The following ARMC10 variants were observed in gnomAD, a reference collection of about 807,000 sequenced individuals.
The protein encoded by ARMC10 is armadillo repeat containing 10, also known as armadillo repeat-containing protein 10.
In ARMC10, 23 loss-of-function variants were observed where a neutral mutation model predicts 30.2. The ratio of observed to expected loss-of-function variants is 0.76; its 90% CI spans 0.55 to 1.08. The LOEUF (loss-of-function observed/expected upper bound fraction) is 1.08. Among genes scored for constraint, ARMC10 ranks in the 50% least tolerant of loss-of-function variants. The probability of loss-of-function intolerance (pLI) is 0.00; values close to 1 mark genes in which losing one functional copy is unlikely to be tolerated. For missense variants in ARMC10, 303 were observed against 413.7 expected, an observed-to-expected ratio of 0.73 and a Z score of 2.32; for synonymous variants, 111 against 164.4, an observed-to-expected ratio of 0.68 and a Z score of 2.48.
rs958941204 is a variant in ARMC10, at chr7:103,075,155, A to G, written c.-118A>G. 4 of 700,176 alleles carry G rather than the reference A, an allele frequency of 5.7e-6. No individual in the cohort carries two copies. The highest frequency in any genetic ancestry group is 7.4e-6 in the Non-Finnish European group (4 of 543,518). The allele number at this position is 700,176 out of a possible 1,614,324, so 43.4% of individuals were successfully genotyped here. A position where few individuals can be genotyped will look rare whatever the true frequency, so the allele number is the denominator to read the frequency against. ...CTCAGACCCCATTTCCTTTCTCCAC[A>G]TCCAGGTCAGGTGGCGTTTGCTGTG... On this transcript the variant is annotated 5_prime_UTR_variant, in exon 1 of 7. Coordinates refer to ENST00000323716, the MANE Select transcript of ARMC10 (RefSeq NM_031905.5).
intron 2 of ARMC10, among the ~76,000 whole-genome samples, chr7:103,076,139 C>T (rs201032185): frequency 6.6e-6 from 1 of 152,174 alleles, no homozygotes; most frequent in East Asian, 1.9e-4. Context: ...TCACACATCA[C>T]GGGCAATTTG....
chr7:103,087,266 C>T (rs1800942693), intron 4 of ARMC10, among the ~76,000 whole-genome samples: 1 of 152,166 alleles, frequency 6.6e-6, no homozygotes, highest in East Asian at 1.9e-4. Context: ...TTAGCTCTTT[C>T]AATGGATGAG....
chr7:103,096,249 T>C (rs1250510623), intron 5 of ARMC10: 1 of 152,156 alleles, frequency 6.6e-6, no homozygotes, highest in African/African-American at 2.4e-5. Flanking sequence ...CCTGTAATCC[T>C]AGTTACTTTG....
intron 2 of ARMC10, chr7:103,081,985 A>G (rs1800424117): frequency 4.4e-6 from 2 of 451,724 alleles, no homozygotes; most frequent in Admixed American, 2.4e-5. Context: ...CTTTAGGCAG[A>G]TCCTTGAACA....
chr7:103,086,522 C>A, intron 3 of ARMC10, 108 bp from the exon 4 acceptor site: 1 of 1,244,670 alleles, frequency 8.0e-7, no homozygotes. Context: ...AAAGAGATTT[C>A]CAAAAAGCCG....
intron 2 of ARMC10, among the ~76,000 whole-genome samples, chr7:103,077,635 A>G (rs1800007886): frequency 1.3e-5 from 2 of 152,164 alleles, no homozygotes; most frequent in South Asian, 2.1e-4. Flanking sequence ...TTACCTCTCA[A>G]TACTGCCACA....
At chr7:103,080,158 C>A (rs530877328) in intron 2 of ARMC10, among the ~76,000 whole-genome samples, 1 of 152,204 alleles carries the variant, frequency 6.6e-6, no homozygotes, top group Non-Finnish European at 1.5e-5. Flanking sequence ...CAAAAACTCA[C>A]CAGTGGAAGA....
chr7:103,089,063 C>CT, intron 4 of ARMC10: 1 of 157,590 alleles, frequency 6.3e-6, no homozygotes, highest in Admixed American at 6.5e-5. Flanking sequence ...TAATTAAACA[C>CT]TTTGTGGGCT....
intron 5 of ARMC10, chr7:103,095,598 C>G (rs1045993394): frequency 6.6e-6 from 1 of 152,104 alleles, no homozygotes. Flanking sequence ...AGTTAGTACC[C>G]CCCTCTATGC....
chr7:103,075,213 C>T lies in ARMC10; in HGVS notation c.-60C>T, dbSNP rs1209429411. ...GGCCCGCGTGCGCTGGAGACCTCCG[C>T]GCTGGCCCCCGCGAGCCTCCTGCCC... On this transcript the variant is annotated 5_prime_UTR_variant, in exon 1 of 7. Transcript: ENST00000323716. 3 of 1,119,108 alleles carry T rather than the reference C, an allele frequency of 2.7e-6. No individual in the cohort carries two copies. The highest frequency in any genetic ancestry group is 9.8e-5 in the Admixed American group (2 of 20,476). 69.3% of individuals were successfully genotyped at this position (1,119,108 alleles called of 1,614,324 possible).
At chr7:103,086,329 ATTTT>A (rs769061886) in intron 3 of ARMC10, among the ~76,000 whole-genome samples, 14 of 152,190 alleles carry the variant, frequency 9.2e-5, no homozygotes, top group Non-Finnish European at 1.6e-4. Context: ...AAGAAAAATA[ATTTT>A]ATTTGTAAGT....
chr7:103,075,785 G>C lies in ARMC10; in HGVS notation c.148G>C (p.Glu50Gln), dbSNP rs770691023. 6.2e-7 allele frequency: 1 copy of C among 1,608,442 alleles called. No homozygotes were observed. Among genetic ancestry groups the C allele is most frequent in the South Asian group, 1.1e-5 (1 of 89,702 alleles). ...TCAATCTCTGCTTGCAGGTGCCCTG[G>C]AAGAAGGGACGTCAGAGGGTCAGTT... ...IRSSKSAGAL[E>Q]EGTSEGQLCG... The change falls in exon 2 of 7, where the codon GAA (glutamate) becomes CAA (glutamine). Residue 50 changes from glutamate (E) to glutamine (Q), a missense_variant. By Grantham distance (29) the Glu-to-Gln change is conservative. Transcript: ENST00000323716.
chr7:103,098,683 A>T lies in ARMC10; in HGVS notation c.*130A>T. On this transcript the variant is annotated 3_prime_UTR_variant, in exon 7 of 7. Transcript: ENST00000323716. ...ACATTTTGTCATTAACACAGCTATA[A>T]CTTGCCGTGGTTCTCAGATTTATTT... 7.0e-7 allele frequency: 1 copy of T among 1,427,150 alleles called. No individual in the cohort carries two copies. Among genetic ancestry groups the T allele is most frequent in the Non-Finnish European group, 9.3e-7 (1 of 1,076,828 alleles). 88.4% of individuals were successfully genotyped at this position (1,427,150 alleles called of 1,614,324 possible). A position where few individuals can be genotyped will look rare whatever the true frequency, so the allele number is the denominator to read the frequency against.
At chr7:103,079,268 G>A (rs2129520182) in intron 2 of ARMC10, among the ~76,000 whole-genome samples, 1 of 151,998 alleles carries the variant, frequency 6.6e-6, no homozygotes, top group African/African-American at 2.4e-5. Flanking sequence ...AAAAGGAAAA[G>A]CCACATGATG....
rs1585697001 is a variant in ARMC10 at position 103,075,176 on chromosome 7, C to T, written c.-97C>T. ...CCACATCCAGGTCAGGTGGCGTTTG[C>T]TGTGGCGGCTAGGCCCGCGTGCGCT... On this transcript the variant is annotated 5_prime_UTR_variant, in exon 1 of 7. Coordinates refer to ENST00000323716, the MANE Select transcript of ARMC10 (RefSeq NM_031905.5). 3 of 891,392 alleles carry T rather than the reference C, an allele frequency of 3.4e-6. No individual in the cohort carries two copies. The highest frequency in any genetic ancestry group is 4.6e-4 in the Middle Eastern group (1 of 2,152). The allele number at this position is 891,392 out of a possible 1,614,324, so 55.2% of individuals were successfully genotyped here. A position where few individuals can be genotyped will look rare whatever the true frequency, so the allele number is the denominator to read the frequency against.
intron 4 of ARMC10, chr7:103,086,984 C>A: frequency 7.8e-7 from 1 of 1,288,980 alleles, no homozygotes; most frequent in Non-Finnish European, 1.0e-6. Context: ...GTTTATTCTA[C>A]AGGTTATCCT....
At chr7:103,081,719 A>G (rs1800402497) in intron 2 of ARMC10, among the ~76,000 whole-genome samples, 1 of 107,212 alleles carries the variant, frequency 9.3e-6, no homozygotes, top group Non-Finnish European at 2.2e-5. Context: ...ATAGAGTGGT[A>G]TGATTTTGAA....
intron 3 of ARMC10, among the ~76,000 whole-genome samples, chr7:103,085,606 C>CTTCTTTTTTTTTTTTTTTTTTTTTTT (rs1563322299): frequency 7.7e-6 from 1 of 130,586 alleles, no homozygotes; most frequent in South Asian, 2.3e-4. Flanking sequence ...CATTTCTCTT[C>CTTCTTTTTTTTTTTTTTTTTTTTTTT]TTTTTTTTTT....
At chr7:103,090,586 G>A (rs1485638418) in intron 4 of ARMC10, among the ~76,000 whole-genome samples, 1 of 152,096 alleles carries the variant, frequency 6.6e-6, no homozygotes, top group East Asian at 1.9e-4. Context: ...TGCAACCCCT[G>A]CCTCCTGTTC....
Sources: gnomAD v4.1 joint callset for allele counts (sites outside exome capture counted in the v4.1 genomes callset) on GRCh38, gnomAD v4.1.1 for gene constraint, MANE v1.5 for transcripts, NCBI Gene and HGNC (gene_info 2026-07-23, HGNC 2026-07-21) for gene names.